The following PIP5K1B variants were observed in gnomAD, a reference collection of about 807,000 sequenced individuals.
PIP5K1B encodes the protein phosphatidylinositol 4-phosphate 5-kinase type-1 beta.
Under a neutral mutation model 67.0 loss-of-function variants are expected in PIP5K1B, and 42 were observed. That is an observed-to-expected ratio of 0.63 (90% CI 0.49 to 0.81). PIP5K1B has a LOEUF of 0.81. PIP5K1B is among the 30% of genes least tolerant of loss of function. The probability of loss-of-function intolerance (pLI) is 0.00; values close to 1 mark genes in which losing one functional copy is unlikely to be tolerated. For missense variants in PIP5K1B, 459 were observed against 646.3 expected (o/e 0.71, Z 3.14); for synonymous variants, 214 against 231.4 (o/e 0.92, Z 0.68).
chr9:68,914,319 C>G (rs1445810895), intron 8 of PIP5K1B, among the ~76,000 whole-genome samples: 1 of 152,168 alleles, frequency 6.6e-6, no homozygotes, highest in African/African-American at 2.4e-5. Context: ...TTGGGAACAT[C>G]CACAGTATTG....
chr9:69,000,627 C>T (rs142206555), intron 15 of PIP5K1B, among the ~76,000 whole-genome samples: 235 of 152,252 alleles, frequency 1.5e-3, no homozygotes, highest in African/African-American at 5.5e-3. Flanking sequence ...TCCCCCTGTA[C>T]GTGTCTGTAT....
intron 5 of PIP5K1B, among the ~76,000 whole-genome samples, chr9:68,865,206 G>T (rs1235136011): frequency 2.0e-5 from 3 of 151,768 alleles, no homozygotes; most frequent in Non-Finnish European, 4.4e-5. Context: ...ATGGACAACC[G>T]CAAGGCCCAA....
chr9:68,848,477 C>T (rs548765408), intron 4 of PIP5K1B, among the ~76,000 whole-genome samples: 2 of 152,190 alleles, frequency 1.3e-5, no homozygotes, highest in Non-Finnish European at 2.9e-5. Flanking sequence ...AAGAGTCCAG[C>T]ATCCCAGTGA....
intron 11 of PIP5K1B, 90 bp downstream of exon 11, chr9:68,919,819 CT>C: frequency 1.4e-6 from 1 of 709,992 alleles, no homozygotes; most frequent in Non-Finnish European, 2.4e-6. Flanking sequence ...TTGCTAGACT[CT>C]AAGAGGAAAT....
chr9:68,858,145 T>C (rs1436217490), intron 4 of PIP5K1B, among the ~76,000 whole-genome samples: 1 of 152,144 alleles, frequency 6.6e-6, no homozygotes, highest in Non-Finnish European at 1.5e-5. Flanking sequence ...GGCTAATTTT[T>C]GTATTTTTAG....
chr9:68,792,518 C>T (rs1192844456), intron 2 of PIP5K1B, among the ~76,000 whole-genome samples: 8 of 152,042 alleles, frequency 5.3e-5, no homozygotes, highest in East Asian at 1.9e-4. Context: ...CTCGCTCTGT[C>T]GCCCAGGTTG....
chr9:68,823,746 T>C (rs1159580809), intron 4 of PIP5K1B, among the ~76,000 whole-genome samples: 3 of 152,248 alleles, frequency 2.0e-5, no homozygotes, highest in Non-Finnish European at 4.4e-5. Flanking sequence ...GAAGGTTTAT[T>C]ATTTCTTAAT....
At chr9:68,771,197 TC>T (rs1399390617) in intron 2 of PIP5K1B, among the ~76,000 whole-genome samples, 5 of 152,198 alleles carry the variant, frequency 3.3e-5, no homozygotes, top group African/African-American at 9.7e-5. Context: ...ATTTCTAAAG[TC>T]CCTTTCAGAT....
intron 1 of PIP5K1B, among the ~76,000 whole-genome samples, chr9:68,724,144 A>G (rs1828037214): frequency 6.6e-6 from 1 of 151,400 alleles, no homozygotes; most frequent in African/African-American, 2.4e-5. Flanking sequence ...TCCCCAGTGT[A>G]TGTTCTTGGT....
chr9:68,892,796 T>G (rs1337919975), intron 7 of PIP5K1B, among the ~76,000 whole-genome samples: 1 of 152,058 alleles, frequency 6.6e-6, no homozygotes, highest in Non-Finnish European at 1.5e-5. Context: ...TTAGGCCAAG[T>G]GCAGTGGCTC....
rs1261610201 is a variant in PIP5K1B, at chr9:68,984,199, AC to A, written c.1503-6938del. Among the ~76,000 whole-genome samples, 7 of 152,354 alleles carry A rather than the reference AC, an allele frequency of 4.6e-5. No homozygotes were observed. In the South Asian group the frequency reaches 6.2e-4, roughly 14 times the overall value. On this transcript the variant is annotated intron_variant, in intron 14 of 15. Coordinates refer to ENST00000265382, the MANE Select transcript of PIP5K1B (RefSeq NM_003558.4). Reference sequence around the variant, plus strand: ...CTTACTCAGAAGGGTTAAGAAACTTACCCAGTATCACATACAACTAAGTCCA... The same window carrying A: ...CTTACTCAGAAGGGTTAAGAAACTTACCAGTATCACATACAACTAAGTCCA...
chr9:68,811,282 C>T (rs540580895), intron 2 of PIP5K1B, among the ~76,000 whole-genome samples: 2 of 152,228 alleles, frequency 1.3e-5, no homozygotes, highest in African/African-American at 4.8e-5. Context: ...TGTTTTATGG[C>T]CCATCATTGG....
intron 14 of PIP5K1B, among the ~76,000 whole-genome samples, chr9:68,986,415 C>T (rs943405130): frequency 6.6e-6 from 1 of 152,044 alleles, no homozygotes; most frequent in Non-Finnish European, 1.5e-5. Flanking sequence ...AGATTCTTTG[C>T]TCATTTTTAA....
At chr9:68,744,171 A>G (rs1438282256) in intron 2 of PIP5K1B, among the ~76,000 whole-genome samples, 1 of 152,222 alleles carries the variant, frequency 6.6e-6, no homozygotes, top group Non-Finnish European at 1.5e-5. Flanking sequence ...ACAATGTTAC[A>G]AGGTGGACCC....
At chr9:68,875,888 G>T (rs1399835345) in intron 5 of PIP5K1B, among the ~76,000 whole-genome samples, 1 of 152,148 alleles carries the variant, frequency 6.6e-6, no homozygotes, top group Admixed American at 6.5e-5. Context: ...AGAATAAAAA[G>T]GATGAGATTG....
intron 12 of PIP5K1B, 134 bp downstream of exon 12, chr9:68,923,520 A>AC: frequency 1.7e-6 from 1 of 572,030 alleles, no homozygotes; most frequent in South Asian, 2.2e-5. Context: ...TGGTTAAGTA[A>AC]CCCAGTCAGG....
At chr9:68,851,025 A>C (rs1822458682) in intron 4 of PIP5K1B, among the ~76,000 whole-genome samples, 1 of 152,206 alleles carries the variant, frequency 6.6e-6, no homozygotes, top group South Asian at 2.1e-4. Context: ...AGGGCAATTA[A>C]GTGTCCATAA....
At chr9:68,894,739 G>A in intron 8 of PIP5K1B, 101 bp downstream of exon 8, 2 of 1,104,862 alleles carry the variant, frequency 1.8e-6, no homozygotes, top group Non-Finnish European at 1.3e-6. Flanking sequence ...GTCCAAAGTG[G>A]CAGACATGTG....
At chr9:68,997,134 G>A (rs1283253824) in intron 15 of PIP5K1B, among the ~76,000 whole-genome samples, 1 of 152,170 alleles carries the variant, frequency 6.6e-6, no homozygotes, top group Admixed American at 6.5e-5. Flanking sequence ...TTGATCATGG[G>A]AAGAAGGGTG....
Sources: gnomAD v4.1 joint callset for allele counts (sites outside exome capture counted in the v4.1 genomes callset) on GRCh38, gnomAD v4.1.1 for gene constraint, MANE v1.5 for transcripts, NCBI Gene and HGNC (gene_info 2026-07-23, HGNC 2026-07-21) for gene names.